The following ABCC9 variants were observed in gnomAD, a reference collection of about 807,000 sequenced individuals.
ABCC9 encodes the protein ATP-binding cassette sub-family C member 9.
A neutral mutation model predicts 188.3 loss-of-function variants in ABCC9; 95 were observed. The ratio of observed to expected loss-of-function variants is 0.50; its 90% CI spans 0.43 to 0.60. The LOEUF (loss-of-function observed/expected upper bound fraction) is 0.60. Among genes scored for constraint, ABCC9 ranks in the 20% least tolerant of loss-of-function variants. The pLI, the probability that ABCC9 is intolerant of heterozygous loss-of-function variation, is 0.00. For synonymous variants in ABCC9, 659 were observed against 652.7 expected (o/e 1.01, Z -0.15); for missense variants, 1,102 against 1,876.3 (o/e 0.59, Z 7.62).
At chr12:21,853,560 T>C (rs775459157) in intron 22 of ABCC9, among the ~76,000 whole-genome samples, 1 of 152,136 alleles carries the variant, frequency 6.6e-6, no homozygotes, top group Non-Finnish European at 1.5e-5. Flanking sequence ...ATTAAGATAT[T>C]TAGAAAATAA....
At chr12:21,844,967 T>C in intron 26 of ABCC9, 52 bp from the exon 27 acceptor site, 1 of 1,595,848 alleles carries the variant, frequency 6.3e-7, no homozygotes, top group Non-Finnish European at 8.6e-7. Context: ...ATGGAGTTCT[T>C]TCTTACTAGA....
chr12:21,910,580 CAG>C (rs1271833525), intron 9 of ABCC9, among the ~76,000 whole-genome samples: 1 of 151,730 alleles, frequency 6.6e-6, no homozygotes, highest in Non-Finnish European at 1.5e-5. Flanking sequence ...CTAGAACAAA[CAG>C]AAAGAGATAA....
chr12:21,861,371 C>T (rs1229123552), intron 20 of ABCC9, among the ~76,000 whole-genome samples: 1 of 152,002 alleles, frequency 6.6e-6, no homozygotes, highest in Non-Finnish European at 1.5e-5. Flanking sequence ...GCTGGGATTA[C>T]AGATGTGCAC....
At chr12:21,893,732 C>T (rs925442834) in intron 14 of ABCC9, among the ~76,000 whole-genome samples, 30 of 151,268 alleles carry the variant, frequency 2.0e-4, no homozygotes, top group African/African-American at 7.3e-4. Flanking sequence ...AGAATATTTC[C>T]AACATAGAAT....
chr12:21,887,852 C>G lies in ABCC9; in HGVS notation c.1885G>C (p.Glu629Gln). The G allele has an allele frequency of 1.2e-6, 2 of 1,613,292 alleles. No homozygotes were observed. Among genetic ancestry groups the G allele is most frequent in the Non-Finnish European group, 1.7e-6 (2 of 1,179,412 alleles). ...WRTGESSLPFESCKKHTGVQP... is the reference protein window; with the variant it reads ...WRTGESSLPFQSCKKHTGVQP... The stretch of plus-strand genomic sequence containing the variant: ...ACTCCAGTGTGCTTCTTACAGGACT[C>G]AAAAGGAAGCGAACTTTCACCAGTT... Residue 629 changes from glutamate (E) to glutamine (Q), a missense_variant, in exon 15 of 40, where the codon GAG (glutamate) becomes CAG (glutamine). Transcript: ENST00000261200.
intron 22 of ABCC9, among the ~76,000 whole-genome samples, chr12:21,853,157 C>T (rs943236607): frequency 2.0e-5 from 3 of 151,912 alleles, no homozygotes; most frequent in Non-Finnish European, 4.4e-5. Flanking sequence ...CTACTAAAAA[C>T]ACAAAAATTA....
intron 16 of ABCC9, among the ~76,000 whole-genome samples, chr12:21,880,486 A>G (rs951353133): frequency 3.3e-5 from 5 of 152,182 alleles, no homozygotes; most frequent in African/African-American, 1.2e-4. Flanking sequence ...ATTTTGCAAC[A>G]TATGTGACTG....
At chr12:21,872,772 T>C (rs746756074) in intron 17 of ABCC9, 42 bp from the exon 18 acceptor site, 5 of 1,416,094 alleles carry the variant, frequency 3.5e-6, no homozygotes, top group African/African-American at 1.4e-5. Context: ...ATGAGATGGA[T>C]TCTTGGTGAA....
At chr12:21,835,102 C>T (rs975742441) in intron 30 of ABCC9, among the ~76,000 whole-genome samples, 2 of 152,124 alleles carry the variant, frequency 1.3e-5, no homozygotes, top group African/African-American at 4.8e-5. Flanking sequence ...ATCAACCCTT[C>T]CCCTTTACTG....
intron 2 of ABCC9, among the ~76,000 whole-genome samples, chr12:21,937,446 T>C (rs1949532284): frequency 6.6e-6 from 1 of 152,086 alleles, no homozygotes; most frequent in Non-Finnish European, 1.5e-5. Flanking sequence ...AAGGTCACAC[T>C]GTGCTTTGTA....
chr12:21,810,032 T>G (rs1942121930), intron 36 of ABCC9, 77 bp from the exon 37 acceptor site: 1 of 919,946 alleles, frequency 1.1e-6, no homozygotes, highest in African/African-American at 1.7e-5. Context: ...ATTGCTTTTC[T>G]TTCCTTACAA....
intron 16 of ABCC9, among the ~76,000 whole-genome samples, chr12:21,881,752 A>G (rs1356369): frequency 0.67 from 101,740 of 151,672 alleles, 35,628 homozygotes; most frequent in Non-Finnish European, 0.77. Flanking sequence ...AAGCTTTGTA[A>G]GTGATTCTAA....
At position 21,809,841 on chromosome 12, in the gene ABCC9, AG is replaced by A; in HGVS notation, c.4315+10del. The stretch of plus-strand genomic sequence containing the variant: ...TATATAAAAAATAAATATGCTATTT[AG>A]GAAATATACCTAGACCTCCAGGTAG... On this transcript the variant is annotated intron_variant, in intron 37 of 39. Transcript: ENST00000261200. The A allele has an allele frequency of 6.6e-7, 1 of 1,512,030 alleles. No homozygotes were observed. Among genetic ancestry groups the A allele is most frequent in the Non-Finnish European group, 9.2e-7 (1 of 1,089,702 alleles). The allele number at this position is 1,512,030 out of a possible 1,614,324, so 93.7% of individuals were successfully genotyped here.
Position 21,801,126 on chromosome 12 carries a change from T to C in ABCC9, c.4568A>G (p.Asn1523Ser). 1.9e-6 allele frequency: 3 copies of C among 1,614,038 alleles called. No homozygotes were observed. Among genetic ancestry groups the C allele is most frequent in the African/African-American group, 1.3e-5 (1 of 75,072 alleles). Residue 1523 changes from asparagine (N) to serine (S), a missense_variant, in exon 40 of 40, where the codon AAT (asparagine) becomes AGT (serine). Asn to Ser is a conservative substitution (Grantham distance 46). Coordinates refer to ENST00000261200, the MANE Select transcript of ABCC9 (RefSeq NM_020297.4). ...ADLVIVMKRG[N>S]ILEYDTPESL... ...TTCTGGAGTGTCATATTCTAAAATA[T>C]TTCCTCGCTTCATCACAATAACCAG...
chr12:21,915,259 G>GTATATATTGTGTATATGTATGTGTGTA (rs1565480384), intron 7 of ABCC9, among the ~76,000 whole-genome samples: 1 of 110,944 alleles, frequency 9.0e-6, no homozygotes, highest in East Asian at 3.0e-4. Context: ...GTGTGTGTGT[G>GTATATATTGTGTATATGTATGTGTGTA]TGTATATAAT....
chr12:21,848,395 GAA>G, intron 24 of ABCC9, 149 bp from the exon 25 acceptor site: 1 of 715,606 alleles, frequency 1.4e-6, no homozygotes. Context: ...TCCTGTCACA[GAA>G]ACAGCTGTGG....
At chr12:21,889,806 A>G (rs1283807) in intron 14 of ABCC9, among the ~76,000 whole-genome samples, 46,571 of 151,926 alleles carry the variant, frequency 0.31, 8,539 homozygotes, top group East Asian at 0.51. Flanking sequence ...TCTCTTCTTA[A>G]CACCCCACTT....
intron 39 of ABCC9, among the ~76,000 whole-genome samples, chr12:21,801,458 TTAAG>T (rs1305040604): frequency 1.3e-5 from 2 of 152,188 alleles, no homozygotes; most frequent in African/African-American, 2.4e-5. Flanking sequence ...AACCTTAAGT[TTAAG>T]TAGGGTAAAA....
At chr12:21,802,315 T>C (rs1174384765) in intron 39 of ABCC9, among the ~76,000 whole-genome samples, 1 of 152,200 alleles carries the variant, frequency 6.6e-6, no homozygotes, top group Non-Finnish European at 1.5e-5. Context: ...TTATTTTTTA[T>C]GTTTATAAAT....
Sources: allele counts gnomAD v4.1 joint callset (sites outside exome capture counted in the v4.1 genomes callset), GRCh38; gene constraint gnomAD v4.1.1; transcripts MANE v1.5; gene names NCBI Gene and HGNC (gene_info 2026-07-23, HGNC 2026-07-21).